Variants in RALYL observed in about 807,000 individuals in gnomAD.
RALYL encodes the protein RNA-binding Raly-like protein.
In RALYL, 29 loss-of-function variants were observed where a neutral mutation model predicts 35.1. The ratio of observed to expected loss-of-function variants is 0.83; its 90% CI spans 0.61 to 1.13. The LOEUF (loss-of-function observed/expected upper bound fraction) is 1.13. RALYL is among the 50% of genes most tolerant of loss of function. The pLI is 0.00. For synonymous variants in RALYL, 120 were observed against 127.6 expected, an observed-to-expected ratio of 0.94 and a Z score of 0.40; for missense variants, 359 against 360.4, an observed-to-expected ratio of 1.00 and a Z score of 0.03.
chr8:84,393,846 TG>T (rs1444351437), intron 1 of RALYL, among the ~76,000 whole-genome samples: 1 of 152,124 alleles, frequency 6.6e-6, no homozygotes, highest in Non-Finnish European at 1.5e-5. Context: ...AACACAATAA[TG>T]AATATATAGT....
At chr8:84,401,784 T>C (rs978604308) in intron 1 of RALYL, among the ~76,000 whole-genome samples, 2 of 151,530 alleles carry the variant, frequency 1.3e-5, no homozygotes, top group African/African-American at 4.8e-5. Context: ...CATATTGAAA[T>C]GGGTTATGAC....
chr8:84,865,816 C>T (rs148252954), intron 6 of RALYL, among the ~76,000 whole-genome samples: 1 of 152,248 alleles, frequency 6.6e-6, no homozygotes, highest in African/African-American at 2.4e-5. Context: ...CTTTGGGGAC[C>T]TGTCAATGCA....
intron 4 of RALYL, among the ~76,000 whole-genome samples, chr8:84,820,930 A>G (rs1828380235): frequency 1.3e-5 from 2 of 152,186 alleles, no homozygotes; most frequent in Admixed American, 6.5e-5. Flanking sequence ...GAGAGTTGTT[A>G]TTGTTTCAAT....
At position 84,529,505 on chromosome 8, in the gene RALYL, T is replaced by C. The variant is rs2059132268; in HGVS notation, c.184T>C (p.Tyr62His). Residue 62 changes from tyrosine (Y) to histidine (H), a missense_variant, in exon 2 of 9, where the codon TAC (tyrosine) becomes CAC (histidine). Physicochemically the swap from Tyr to His is moderately conservative, Grantham distance 83. Transcript: ENST00000521268. ...SVHKGYAFVQ[Y>H]MSERHARAAV... ...TCACAAAGGTTATGCATTTGTACAG[T>C]ACATGAGTGAGCGACATGCAAGAGC... 6.2e-7 allele frequency: 1 copy of C among 1,613,514 alleles called. No individual in the cohort carries two copies. The highest frequency in any genetic ancestry group is 8.5e-7 in the Non-Finnish European group (1 of 1,179,516).
chr8:84,857,591 C>A (rs1586801221), intron 5 of RALYL, among the ~76,000 whole-genome samples: 1 of 152,114 alleles, frequency 6.6e-6, no homozygotes, highest in East Asian at 1.9e-4. Flanking sequence ...AGAAGTTTAG[C>A]CATCAGGTAA....
intron 2 of RALYL, among the ~76,000 whole-genome samples, chr8:84,726,840 G>A (rs1261310676): frequency 1.3e-5 from 2 of 151,996 alleles, no homozygotes; most frequent in Non-Finnish European, 2.9e-5. Context: ...GGCCTTGTGA[G>A]GGTTGTAAAT....
intron 3 of RALYL, among the ~76,000 whole-genome samples, chr8:84,786,730 AC>A (rs1365899129): frequency 6.6e-6 from 1 of 151,918 alleles, no homozygotes; most frequent in Non-Finnish European, 1.5e-5. Context: ...TAGATATTAG[AC>A]CTTTGTCAGA....
intron 3 of RALYL, among the ~76,000 whole-genome samples, chr8:84,777,061 G>A (rs2062620492): frequency 6.6e-6 from 1 of 152,060 alleles, no homozygotes; most frequent in African/African-American, 2.4e-5. Context: ...AATTTTATGT[G>A]GACAAACTAT....
chr8:84,882,365 G>C (rs2135372313), intron 7 of RALYL, among the ~76,000 whole-genome samples: 1 of 152,084 alleles, frequency 6.6e-6, no homozygotes, highest in Middle Eastern at 3.4e-3. Context: ...TTGAAGACTT[G>C]TCAATATAAA....
At chr8:84,292,660 C>A (rs899111457) in intron 1 of RALYL, among the ~76,000 whole-genome samples, 2 of 152,244 alleles carry the variant, frequency 1.3e-5, no homozygotes, top group Non-Finnish European at 2.9e-5. Flanking sequence ...CGCTGGTCAT[C>A]CTCACTGCTA....
At chr8:84,576,731 C>T (rs1809527248) in intron 2 of RALYL, among the ~76,000 whole-genome samples, 3 of 152,130 alleles carry the variant, frequency 2.0e-5, no homozygotes, top group Non-Finnish European at 4.4e-5. Context: ...CTGTCTATTG[C>T]TGGAGACAAA....
At chr8:84,918,993 AT>A (rs1848905416) in intron 8 of RALYL, among the ~76,000 whole-genome samples, 1 of 152,078 alleles carries the variant, frequency 6.6e-6, no homozygotes, top group Non-Finnish European at 1.5e-5. Flanking sequence ...TGCACAAAAA[AT>A]CTACAGGTTG....
intron 1 of RALYL, among the ~76,000 whole-genome samples, chr8:84,403,131 T>G (rs1278982608): frequency 6.6e-6 from 1 of 152,132 alleles, no homozygotes; most frequent in Non-Finnish European, 1.5e-5. Context: ...TTCTGATAGT[T>G]TCTTTTTGCT....
At chr8:84,451,289 C>A (rs2049443348) in intron 1 of RALYL, among the ~76,000 whole-genome samples, 1 of 151,782 alleles carries the variant, frequency 6.6e-6, no homozygotes, top group South Asian at 2.1e-4. Context: ...ATTTTTAGTT[C>A]CGTATCCCCA....
intron 2 of RALYL, among the ~76,000 whole-genome samples, chr8:84,666,946 C>T (rs950353337): frequency 8.6e-5 from 13 of 152,042 alleles, no homozygotes; most frequent in African/African-American, 2.4e-4. Flanking sequence ...TCTGCTATAT[C>T]AATTAGGAAA....
At chr8:84,790,916 A>G (rs1206611844) in intron 3 of RALYL, among the ~76,000 whole-genome samples, 1 of 152,214 alleles carries the variant, frequency 6.6e-6, no homozygotes, top group Non-Finnish European at 1.5e-5. Context: ...CGGTCTGTTT[A>G]CAATTTCATT....
chr8:84,261,763 T>C (rs1832352311), intron 1 of RALYL, among the ~76,000 whole-genome samples: 1 of 152,178 alleles, frequency 6.6e-6, no homozygotes, highest in Admixed American at 6.5e-5. Flanking sequence ...AATCAATGCA[T>C]GCAAATTTTA....
At chr8:84,236,492 C>T (rs16912579) in intron 1 of RALYL, among the ~76,000 whole-genome samples, 15,241 of 152,090 alleles carry the variant, frequency 0.1, 1,004 homozygotes, top group East Asian at 0.23. Context: ...TTGAATCTGC[C>T]CATATGATAG....
chr8:84,423,245 C>A (rs1201296776), intron 1 of RALYL, among the ~76,000 whole-genome samples: 10 of 151,636 alleles, frequency 6.6e-5, no homozygotes, highest in Non-Finnish European at 1.3e-4. Flanking sequence ...GCATTGGGTG[C>A]ATATATATTT....
Sources: gnomAD v4.1 joint callset for allele counts (sites outside exome capture counted in the v4.1 genomes callset) on GRCh38, gnomAD v4.1.1 for gene constraint, MANE v1.5 for transcripts, NCBI Gene and HGNC (gene_info 2026-07-23, HGNC 2026-07-21) for gene names.